Variants in STAG1 observed in about 807,000 individuals in gnomAD.
STAG1 encodes the protein STAG1 cohesin complex component.
A neutral mutation model predicts 170.9 loss-of-function variants in STAG1; 26 were observed. The ratio of observed to expected loss-of-function variants is 0.15; its 90% CI spans 0.11 to 0.21. The LOEUF is 0.21. Among genes scored for constraint, STAG1 ranks in the 10% least tolerant of loss-of-function variants. STAG1 has a pLI of 1.00. For synonymous variants in STAG1, 514 were observed against 497.7 expected, an observed-to-expected ratio of 1.03 and a Z score of -0.44; for missense variants, 964 against 1,509.5, an observed-to-expected ratio of 0.64 and a Z score of 5.99.
At chr3:136,392,769 A>C (rs2087045925) in intron 22 of STAG1, among the ~76,000 whole-genome samples, 1 of 143,266 alleles carries the variant, frequency 7.0e-6, no homozygotes, top group South Asian at 2.2e-4. Context: ...CCGTCTCAAA[A>C]AAAAAAAAAA....
At chr3:136,636,333 A>G (rs1218952727) in intron 1 of STAG1, among the ~76,000 whole-genome samples, 1 of 152,154 alleles carries the variant, frequency 6.6e-6, no homozygotes, top group Non-Finnish European at 1.5e-5. Context: ...GGGGTGCCAC[A>G]TGATTTGCTA....
chr3:136,598,678 G>A (rs564343571), intron 4 of STAG1, among the ~76,000 whole-genome samples: 1 of 151,924 alleles, frequency 6.6e-6, no homozygotes, highest in Non-Finnish European at 1.5e-5. Context: ...TGCCCACCTC[G>A]GCCTCCCCAA....
intron 1 of STAG1, among the ~76,000 whole-genome samples, chr3:136,726,110 T>G (rs941368194): frequency 7.9e-5 from 12 of 152,252 alleles, no homozygotes; most frequent in Admixed American, 5.9e-4. Context: ...CCATCCAATA[T>G]TCACACAATA....
At chr3:136,592,734 C>T (rs1938247348) in intron 4 of STAG1, among the ~76,000 whole-genome samples, 9 of 152,118 alleles carry the variant, frequency 5.9e-5, no homozygotes, top group Admixed American at 5.2e-4. Flanking sequence ...ATTTCTTATC[C>T]ACATAGAGAT....
intron 7 of STAG1, among the ~76,000 whole-genome samples, chr3:136,509,437 T>C (rs1933940334): frequency 6.6e-6 from 1 of 151,966 alleles, no homozygotes; most frequent in Admixed American, 6.6e-5. Context: ...GGTATGTATT[T>C]TTCTCCAGCC....
At position 136,413,258 on chromosome 3, in the gene STAG1, C is replaced by T. The variant is rs531384175; in HGVS notation, c.2196+4627G>A. Among the ~76,000 whole-genome samples the T allele has an allele frequency of 2.0e-4, 29 of 147,130 alleles. No individual in the cohort carries two copies. The East Asian group carries it at 4.5e-3, about 23-fold the overall frequency. On this transcript the variant is annotated intron_variant, in intron 21 of 33. Coordinates refer to ENST00000383202, the MANE Select transcript of STAG1 (RefSeq NM_005862.3). ...AATGTATACTATATATAATATATAT[C>T]GTATATTACATATCGTATACAATAT...
intron 2 of STAG1, among the ~76,000 whole-genome samples, chr3:136,625,722 C>G (rs1030595690): frequency 2.0e-5 from 3 of 152,184 alleles, no homozygotes; most frequent in Non-Finnish European, 4.4e-5. Context: ...ATTATTACCA[C>G]AATCACCACT....
At chr3:136,590,906 G>T (rs1576641014) in intron 4 of STAG1, among the ~76,000 whole-genome samples, 1 of 152,040 alleles carries the variant, frequency 6.6e-6, no homozygotes, top group Middle Eastern at 3.4e-3. Context: ...AGTTATCTGT[G>T]AAGTTCCATT....
chr3:136,709,111 G>A (rs1943313952), intron 1 of STAG1, among the ~76,000 whole-genome samples: 3 of 151,508 alleles, frequency 2.0e-5, no homozygotes, highest in Non-Finnish European at 4.4e-5. Context: ...CCAACATGGT[G>A]AAACCCTGTC....
At chr3:136,338,521 AT>A in intron 32 of STAG1, 71 bp from the exon 33 acceptor site, 2 of 1,136,366 alleles carry the variant, frequency 1.8e-6, no homozygotes, top group East Asian at 4.7e-5. Context: ...TAATCAGCTA[AT>A]ATTTCTGACA....
chr3:136,592,252 T>C (rs930753549), intron 4 of STAG1, among the ~76,000 whole-genome samples: 2 of 152,200 alleles, frequency 1.3e-5, no homozygotes, highest in Non-Finnish European at 2.9e-5. Flanking sequence ...CCATGTGTCA[T>C]GGGATGGACC....
chr3:136,629,925 G>C (rs1940262336), intron 2 of STAG1, among the ~76,000 whole-genome samples: 1 of 152,144 alleles, frequency 6.6e-6, no homozygotes, highest in Admixed American at 6.5e-5. Context: ...GCCAGGCACA[G>C]TGACTCATGC....
At chr3:136,366,883 T>G in intron 25 of STAG1, 60 bp downstream of exon 25, 1 of 1,414,974 alleles carries the variant, frequency 7.1e-7, no homozygotes, top group Non-Finnish European at 9.6e-7. Flanking sequence ...CATCATCCTT[T>G]CAATTGCTAA....
chr3:136,751,667 C>T (rs1935249131), intron 1 of STAG1, among the ~76,000 whole-genome samples: 2 of 152,162 alleles, frequency 1.3e-5, no homozygotes, highest in Admixed American at 1.3e-4. Context: ...CAGGCCCCTC[C>T]GCTGAAATGA....
chr3:136,565,445 T>C (rs924369837), intron 5 of STAG1, among the ~76,000 whole-genome samples: 1 of 152,190 alleles, frequency 6.6e-6, no homozygotes, highest in African/African-American at 2.4e-5. Flanking sequence ...TCATTAGGCA[T>C]TAAGTGCACA....
At chr3:136,546,065 A>G (rs1277564010) in intron 5 of STAG1, among the ~76,000 whole-genome samples, 1 of 152,222 alleles carries the variant, frequency 6.6e-6, no homozygotes, top group Non-Finnish European at 1.5e-5. Context: ...ATCAAATTGT[A>G]GAGCTTGTTT....
intron 28 of STAG1, 77 bp from the exon 29 acceptor site, chr3:136,349,440 T>C: frequency 9.2e-7 from 1 of 1,089,746 alleles, no homozygotes; most frequent in East Asian, 2.4e-5. Flanking sequence ...AATCTGAGGC[T>C]CTCTTTCTGC....
chr3:136,532,317 T>G (rs1935413403), intron 6 of STAG1, among the ~76,000 whole-genome samples: 1 of 152,198 alleles, frequency 6.6e-6, no homozygotes, highest in Non-Finnish European at 1.5e-5. Flanking sequence ...TGTTGGCCTG[T>G]AGGTTCCTTT....
intron 2 of STAG1, among the ~76,000 whole-genome samples, chr3:136,626,281 C>A (rs948103104): frequency 6.6e-6 from 1 of 151,864 alleles, no homozygotes; most frequent in East Asian, 1.9e-4. Context: ...CAAAAATTAT[C>A]CAGGCATGGT....
Sources: allele counts gnomAD v4.1 joint callset (sites outside exome capture counted in the v4.1 genomes callset), GRCh38; gene constraint gnomAD v4.1.1; transcripts MANE v1.5; gene names NCBI Gene and HGNC (gene_info 2026-07-23, HGNC 2026-07-21).